The following CCDC174 variants were observed in gnomAD, a reference collection of about 807,000 sequenced individuals.
CCDC174 encodes coiled-coil domain-containing protein 174.
A neutral mutation model predicts 57.1 loss-of-function variants in CCDC174; 37 were observed. That is an observed-to-expected ratio of 0.65 (90% CI 0.50 to 0.85). The LOEUF (loss-of-function observed/expected upper bound fraction) is 0.85. Ranked by LOEUF, CCDC174 falls within the 40% of genes least tolerant of loss-of-function variation. The pLI is 0.00. For missense variants in CCDC174, 540 were observed against 574.3 expected (o/e 0.94, Z 0.61); for synonymous variants, 182 against 190.2 (o/e 0.96, Z 0.35).
At chr3:14,670,425 A>T (rs1037405964) in intron 10 of CCDC174, among the ~76,000 whole-genome samples, 1 of 152,342 alleles carries the variant, frequency 6.6e-6, no homozygotes, top group South Asian at 2.1e-4. Flanking sequence ...ACTATGGTTT[A>T]TGCCTCTTTG....
Position 14,671,164 on chromosome 3 carries a change from C to T in CCDC174, c.1374C>T (p.Asp458=). The change falls in exon 11 of 11, where the codon GAC becomes GAT. Residue 458 remains aspartate, a synonymous_variant. Transcript: ENST00000383794. ...CAGTTACTTTCAAAACTCTGGATGA[C>T]ATGATTTCCTATTACAAACAAGTGA... ...APTVTFKTLD[D]MISYYKQVT The T allele has an allele frequency of 6.2e-7, 1 of 1,611,770 alleles. No individual in the cohort carries two copies. The highest frequency in any genetic ancestry group is 8.5e-7 in the Non-Finnish European group (1 of 1,178,256).
intron 1 of CCDC174, among the ~76,000 whole-genome samples, chr3:14,653,377 T>C (rs2030840555): frequency 1.3e-5 from 2 of 152,240 alleles, no homozygotes; most frequent in South Asian, 4.1e-4. Flanking sequence ...AAATTTCCAG[T>C]ATTAGGGTCT....
In CCDC174 at chr3:14,670,078, G is replaced by A. The variant is rs370988051; in HGVS notation, c.1097G>A (p.Arg366His). 3.5e-5 allele frequency: 57 copies of A among 1,608,802 alleles called. No homozygotes were observed. Among genetic ancestry groups the A allele is most frequent in the Middle Eastern group, 1.6e-4 (1 of 6,064 alleles). Reference protein sequence around the residue: ...PGVPHIREWDRGKEFSFGYWS... With the variant: ...PGVPHIREWDHGKEFSFGYWS... The stretch of plus-strand genomic sequence containing the variant: ...GTGCCACACATCCGGGAGTGGGACC[G>A]CGGAAAAGGTAAGGGAGGTGGGCTC... The change falls in exon 10 of 11, where the codon CGC becomes CAC. Residue 366 changes from arginine to histidine, a missense_variant. Arg to His is a conservative substitution (Grantham distance 29). Coordinates refer to ENST00000383794, the MANE Select transcript of CCDC174 (RefSeq NM_016474.5).
intron 9 of CCDC174, 34 bp downstream of exon 9, chr3:14,668,215 G>T: frequency 6.4e-7 from 1 of 1,558,766 alleles, no homozygotes; most frequent in South Asian, 1.2e-5. Flanking sequence ...ACTTCAAAAG[G>T]GAAAATTTTA....
chr3:14,659,387 T>C (rs1177351494), intron 4 of CCDC174, among the ~76,000 whole-genome samples: 2 of 152,222 alleles, frequency 1.3e-5, no homozygotes, highest in African/African-American at 4.8e-5. Flanking sequence ...GTGCTGTGCT[T>C]ATAATTGCTT....
chr3:14,652,960 C>G (rs7631859), intron 1 of CCDC174, among the ~76,000 whole-genome samples: 56,575 of 151,620 alleles, frequency 0.37, 10,624 homozygotes, highest in East Asian at 0.46. Context: ...ACTCACTCTA[C>G]TTGACTCCAA....
chr3:14,661,273 T>C (rs1434970937), intron 4 of CCDC174, among the ~76,000 whole-genome samples: 1 of 152,228 alleles, frequency 6.6e-6, no homozygotes, highest in Non-Finnish European at 1.5e-5. Flanking sequence ...AAAATGACAT[T>C]CTAAGATGGT....
rs757176455 is a variant in CCDC174, at chr3:14,651,810, C to G, written c.-27C>G. The G allele has an allele frequency of 1.2e-5, 20 of 1,613,438 alleles. 1 individual carries two copies. The South Asian group carries it at 2.2e-4, about 18-fold the overall frequency. The stretch of plus-strand genomic sequence containing the variant: ...CCTGTGTCGGGTAGAAAGGGTCCTT[C>G]CTGGACCGGGACCCTCTGCCACGAC... On this transcript the variant is annotated 5_prime_UTR_variant, in exon 1 of 11. Transcript: ENST00000383794.
chr3:14,655,441 C>G (rs138908229), intron 2 of CCDC174, 88 bp from the exon 3 acceptor site: 1 of 762,718 alleles, frequency 1.3e-6, no homozygotes, highest in African/African-American at 1.8e-5. Context: ...AACTCATGAT[C>G]TCCTTTGTTT....
rs186981843 is a variant in CCDC174 at position 14,666,166 on chromosome 3, G to C, written c.582-639G>C. The stretch of plus-strand genomic sequence containing the variant: ...GTGCTAAGCAGTTTTCATGTCCCCA[G>C]ATGAGAGACCATCCACAGGAGGAGA... On this transcript the variant is annotated intron_variant, in intron 6 of 10. Coordinates refer to ENST00000383794, the MANE Select transcript of CCDC174 (RefSeq NM_016474.5). 3.4e-3 allele frequency among the ~76,000 whole-genome samples: 512 copies of C among 152,222 alleles called. 3 individuals carry two copies. The highest frequency in any genetic ancestry group is 5.8e-3 in the Admixed American group (88 of 15,290).
At chr3:14,655,905 G>A (rs1174875321) in intron 3 of CCDC174, among the ~76,000 whole-genome samples, 1 of 152,154 alleles carries the variant, frequency 6.6e-6, no homozygotes, top group Non-Finnish European at 1.5e-5. Flanking sequence ...GTTTTCCCAT[G>A]GTGTGGGCTA....
At chr3:14,661,434 G>A in intron 4 of CCDC174, 96 bp from the exon 5 acceptor site, 1 of 1,007,116 alleles carries the variant, frequency 9.9e-7, no homozygotes, top group Non-Finnish European at 1.5e-6. Flanking sequence ...GCTGTCAGGG[G>A]TGATGGGGCC....
At chr3:14,670,155 A>G (rs995780163) in intron 10 of CCDC174, 69 bp downstream of exon 10, 2 of 1,497,388 alleles carry the variant, frequency 1.3e-6, no homozygotes, top group Non-Finnish European at 9.0e-7. Flanking sequence ...TTCTAGAAGC[A>G]CTTGGGGTAA....
chr3:14,668,169 G>T lies in CCDC174; in HGVS notation c.940G>T (p.Glu314Ter). ...AAAATCAAAAGAAGGTGGAACAGAA[G>T]AAGAAAATAGAGGTATATCATGGCT... ...MKKSKEGGTE[E>*]ENRDGDVIGP... Residue 314 changes from glutamate to a stop codon, truncating the protein, a stop_gained, in exon 9 of 11, where the codon GAA becomes TAA. Coordinates refer to ENST00000383794, the MANE Select transcript of CCDC174 (RefSeq NM_016474.5). LOFTEE classifies it high-confidence loss of function. The T allele has an allele frequency of 6.2e-7, 1 of 1,609,374 alleles. No individual in the cohort carries two copies. Among genetic ancestry groups the T allele is most frequent in the Non-Finnish European group, 8.5e-7 (1 of 1,178,620 alleles).
Position 14,666,961 on chromosome 3 carries a change from CTTGCAGCT to C in CCDC174, c.724+20_724+27del. 1 of 1,567,818 alleles carries C rather than the reference CTTGCAGCT, an allele frequency of 6.4e-7. No homozygotes were observed. Among genetic ancestry groups the C allele is most frequent in the Non-Finnish European group, 8.6e-7 (1 of 1,164,766 alleles). On this transcript the variant is annotated intron_variant, in intron 7 of 10. Transcript: ENST00000383794. Reference sequence around the variant, plus strand: ...TTCGGGAAAATGGTATGACTATTTTCTTGCAGCTTTGCAAATCTTATTTTTAACCTTAA... The same window carrying C: ...TTCGGGAAAATGGTATGACTATTTTCTTGCAAATCTTATTTTTAACCTTAA...
chr3:14,661,834 C>T, intron 5 of CCDC174, 127 bp downstream of exon 5: 1 of 765,822 alleles, frequency 1.3e-6, no homozygotes. Flanking sequence ...TTTGAGACTT[C>T]CCTTTAAGTT....
chr3:14,668,026 T>A (rs1377481110), intron 8 of CCDC174, 23 bp from the exon 9 acceptor site: 1 of 1,555,436 alleles, frequency 6.4e-7, no homozygotes, highest in Non-Finnish European at 8.7e-7. Flanking sequence ...TTCAAGCAAA[T>A]AATTTTCTGA....
At position 14,666,956 on chromosome 3, in the gene CCDC174, A is replaced by G. The variant is rs754397151; in HGVS notation, c.724+9A>G. On this transcript the variant is annotated intron_variant, in intron 7 of 10. Coordinates refer to ENST00000383794, the MANE Select transcript of CCDC174 (RefSeq NM_016474.5). The stretch of plus-strand genomic sequence containing the variant: ...AGACATTCGGGAAAATGGTATGACT[A>G]TTTTCTTGCAGCTTTGCAAATCTTA... 4 of 1,569,386 alleles carry G rather than the reference A, an allele frequency of 2.5e-6. No homozygotes were observed. The highest frequency in any genetic ancestry group is 4.5e-5 in the East Asian group (2 of 44,104).
In CCDC174 at chr3:14,666,900, T is replaced by C; in HGVS notation, c.677T>C (p.Leu226Pro). ...QQWEEEEREA[L>P]KRPMGPVHYE... ...TGGGAGGAAGAAGAAAGAGAGGCCCTGAAGAGGCCCATGGGGCCCGTACAT... is the reference window on the plus strand; with the variant it reads ...TGGGAGGAAGAAGAAAGAGAGGCCCCGAAGAGGCCCATGGGGCCCGTACAT... The change falls in exon 7 of 11, where the codon CTG becomes CCG. Residue 226 changes from leucine to proline, a missense_variant. Coordinates refer to ENST00000383794, the MANE Select transcript of CCDC174 (RefSeq NM_016474.5). 1 of 1,606,318 alleles carries C rather than the reference T, an allele frequency of 6.2e-7. No homozygotes were observed. Among genetic ancestry groups the C allele is most frequent in the Non-Finnish European group, 8.5e-7 (1 of 1,177,790 alleles).
Sources: allele counts gnomAD v4.1 joint callset (sites outside exome capture counted in the v4.1 genomes callset), GRCh38; gene constraint gnomAD v4.1.1; transcripts MANE v1.5; gene names NCBI Gene and HGNC (gene_info 2026-07-23, HGNC 2026-07-21).